ASPH: variants seen among roughly 807,000 people sequenced by gnomAD.
ASPH encodes the protein aspartyl/asparaginyl beta-hydroxylase.
In ASPH, 100 loss-of-function variants were observed where a neutral mutation model predicts 118.4. The observed-to-expected ratio is 0.84, with a 90% CI of 0.72 to 1.00. ASPH has a LOEUF of 1.00. Among genes scored for constraint, ASPH ranks in the 50% least tolerant of loss-of-function variants. The pLI, the probability that ASPH is intolerant of heterozygous loss-of-function variation, is 0.00. For synonymous variants in ASPH, 315 were observed against 325.6 expected, an observed-to-expected ratio of 0.97 and a Z score of 0.35; for missense variants, 920 against 919.5, an observed-to-expected ratio of 1.00 and a Z score of -0.01.
intron 13 of ASPH, chr8:61,632,725 C>A (rs566385620): frequency 4.9e-6 from 2 of 407,218 alleles, no homozygotes; most frequent in African/African-American, 2.1e-5. Flanking sequence ...CCTAAGGCAT[C>A]CCACATATAA....
intron 24 of ASPH, 195 bp downstream of exon 24, chr8:61,517,333 A>G (rs1352834423): frequency 2.0e-5 from 14 of 704,778 alleles, no homozygotes; most frequent in Non-Finnish European, 2.9e-5. Context: ...GGGCAGCCCT[A>G]GAGCTGGGCA....
Position 61,625,223 on chromosome 8 carries a change from C to T in ASPH, c.935-6204G>A, listed in dbSNP as rs576948228. On this transcript the variant is annotated intron_variant, in intron 13 of 24. Coordinates refer to ENST00000379454, the MANE Select transcript of ASPH (RefSeq NM_004318.4). ...TTATTTCTGAGCCCAAAATAAACCA[C>T]ATTAAATAAGAAGAAAATCTTCAGT... 4.7e-4 allele frequency: 462 copies of T among 985,702 alleles called. 2 individuals carry two copies. The African/African-American group carries it at 7.5e-3, about 16-fold the overall frequency. 61.1% of individuals were successfully genotyped at this position (985,702 alleles called of 1,614,324 possible).
At position 61,712,226 on chromosome 8, in the gene ASPH, G is replaced by A. The variant is rs1029139213; in HGVS notation, c.103+2043C>T. 3.3e-5 allele frequency among the ~76,000 whole-genome samples: 5 copies of A among 152,116 alleles called. No individual in the cohort carries two copies. The East Asian group carries it at 9.6e-4, about 29-fold the overall frequency. On this transcript the variant is annotated intron_variant, in intron 1 of 24. Coordinates refer to ENST00000379454, the MANE Select transcript of ASPH (RefSeq NM_004318.4). The stretch of plus-strand genomic sequence containing the variant: ...TTGATTTTCCCAGTAGAAGGAAATG[G>A]TTCGCACAACGTCCGTACTTTAATG...
In ASPH at chr8:61,585,022, A is replaced by G. The variant is rs187205103; in HGVS notation, c.977-993T>C. Among the ~76,000 whole-genome samples, 8 of 152,228 alleles carry G rather than the reference A, an allele frequency of 5.3e-5. No individual in the cohort carries two copies. The East Asian group carries it at 1.5e-3, about 29-fold the overall frequency. Reference sequence around the variant, plus strand: ...TATCTCTGTTTTGTGGTCCTTCCCCACTAGGGGTTTTGTTATAATCCTTCA... The same window carrying G: ...TATCTCTGTTTTGTGGTCCTTCCCCGCTAGGGGTTTTGTTATAATCCTTCA... On this transcript the variant is annotated intron_variant, in intron 14 of 24. Transcript: ENST00000379454.
chr8:61,674,582 T>C (rs933170553), intron 3 of ASPH, among the ~76,000 whole-genome samples: 1 of 152,210 alleles, frequency 6.6e-6, no homozygotes, highest in Non-Finnish European at 1.5e-5. Flanking sequence ...GTTTGCTTTT[T>C]AATAAGATTA....
intron 10 of ASPH, among the ~76,000 whole-genome samples, chr8:61,642,506 T>C (rs1431473654): frequency 1.3e-5 from 2 of 152,216 alleles, no homozygotes; most frequent in Non-Finnish European, 2.9e-5. Flanking sequence ...GTTTAAAGCA[T>C]AATGTTCCAC....
chr8:61,575,287 G>A (rs941640775), intron 16 of ASPH, among the ~76,000 whole-genome samples: 5 of 152,020 alleles, frequency 3.3e-5, no homozygotes, highest in African/African-American at 1.2e-4. Flanking sequence ...ACTTTATAAT[G>A]TTCTTTAAGT....
chr8:61,555,831 T>C lies in ASPH; in HGVS notation c.1536+93A>G. 2.8e-6 allele frequency: 3 copies of C among 1,083,736 alleles called. No homozygotes were observed. The South Asian group carries it at 4.4e-5, about 16-fold the overall frequency. The allele number at this position is 1,083,736 out of a possible 1,614,324, so 67.1% of individuals were successfully genotyped here. A position where few individuals can be genotyped will look rare whatever the true frequency, so the allele number is the denominator to read the frequency against. On this transcript the variant is annotated intron_variant, in intron 19 of 24. Transcript: ENST00000379454. ...TCCTGAGGATGAAAATACTCAGCAG[T>C]GCATGCAATCAATCTACAAGGAATA...
In ASPH at chr8:61,681,168, C is replaced by G. The variant is rs368602817; in HGVS notation, c.254-132G>C. The G allele has an allele frequency of 2.8e-4, 179 of 628,838 alleles. 3 individuals are homozygous for G. In the South Asian group the frequency reaches 6.4e-3, roughly 22 times the overall value. 39.0% of individuals were successfully genotyped at this position (628,838 alleles called of 1,614,324 possible). On this transcript the variant is annotated intron_variant, in intron 2 of 24. Transcript: ENST00000379454. ...TAATACAATTCTTTGCTCTTTTAAT[C>G]CTGCAAAGCAGTGTCAAATGAATAT...
chr8:61,539,249 T>C (rs1820786000), intron 21 of ASPH, among the ~76,000 whole-genome samples: 1 of 151,996 alleles, frequency 6.6e-6, no homozygotes, highest in South Asian at 2.1e-4. Context: ...TCAAAATATA[T>C]ATATATTTAA....
At chr8:61,552,895 G>A (rs1172933671) in intron 20 of ASPH, 136 bp downstream of exon 20, 1 of 669,402 alleles carries the variant, frequency 1.5e-6, no homozygotes, top group African/African-American at 1.8e-5. Context: ...GATAGTTTAA[G>A]TAACTAAATA....
At chr8:61,527,135 T>A (rs745329969) in intron 21 of ASPH, among the ~76,000 whole-genome samples, 1 of 152,202 alleles carries the variant, frequency 6.6e-6, no homozygotes, top group Non-Finnish European at 1.5e-5. Context: ...CTCAAGAGCA[T>A]GGGACTAGAA....
Position 61,503,348 on chromosome 8 carries a change from A to G in ASPH, c.*11T>C, listed in dbSNP as rs565702848. ...TCTCTCCAGAGTTTCCCAAGCTTGC[A>G]TGAATTCATGCTAAATTGCTGGAAG... On this transcript the variant is annotated 3_prime_UTR_variant, in exon 25 of 25. Coordinates refer to ENST00000379454, the MANE Select transcript of ASPH (RefSeq NM_004318.4). 3.8e-6 allele frequency: 6 copies of G among 1,599,874 alleles called. No individual in the cohort carries two copies. In the East Asian group the frequency reaches 6.8e-5, roughly 18 times the overall value.
rs369935511 is a variant in ASPH, at chr8:61,578,376, G to A, written c.1063-1518C>T. ...CAGCTTTCGGGGTGGCCTGGGAGGC[G>A]GCTATAGTGGGGCCAGCGGCATGGG... is the stretch of plus-strand genomic sequence containing the variant. On this transcript the variant is annotated intron_variant, in intron 15 of 24. Transcript: ENST00000379454. 184 of 1,604,910 alleles carry A rather than the reference G, an allele frequency of 1.1e-4. 1 individual carries two copies. Among genetic ancestry groups the A allele is most frequent in the East Asian group, 4.0e-4 (18 of 44,776 alleles).
At chr8:61,656,812 CAT>C (rs1324450081) in intron 3 of ASPH, 2 of 152,162 alleles carry the variant, frequency 1.3e-5, no homozygotes, top group Non-Finnish European at 1.5e-5. Flanking sequence ...ATCAACCACT[CAT>C]AGCAAATATG....
intron 3 of ASPH, among the ~76,000 whole-genome samples, chr8:61,673,775 GT>G (rs1026275465): frequency 2.0e-5 from 3 of 152,118 alleles, no homozygotes; most frequent in African/African-American, 7.2e-5. Flanking sequence ...TTATAGTGCA[GT>G]TTATAGTGCA....
intron 21 of ASPH, among the ~76,000 whole-genome samples, chr8:61,539,251 T>A (rs186833469): frequency 1.3e-5 from 2 of 152,136 alleles, no homozygotes; most frequent in Admixed American, 1.3e-4. Flanking sequence ...AAAATATATA[T>A]ATATTTAAAA....
intron 3 of ASPH, chr8:61,661,461 T>C (rs1316832308): frequency 1.3e-5 from 2 of 152,450 alleles, no homozygotes; most frequent in African/African-American, 2.4e-5. Context: ...AAAACAACCA[T>C]TTCCAAGGTG....
intron 13 of ASPH, chr8:61,626,180 A>T: frequency 7.3e-7 from 1 of 1,378,724 alleles, no homozygotes; most frequent in Non-Finnish European, 9.4e-7. Flanking sequence ...TGATCTGCTC[A>T]GTAATTGCTT....
Sources: gnomAD v4.1 joint callset for allele counts (sites outside exome capture counted in the v4.1 genomes callset) on GRCh38, gnomAD v4.1.1 for gene constraint, MANE v1.5 for transcripts, NCBI Gene and HGNC (gene_info 2026-07-23, HGNC 2026-07-21) for gene names.